The following NUP54 variants were observed in gnomAD, a reference collection of about 807,000 sequenced individuals.
The protein encoded by NUP54 is nucleoporin 54.
A neutral mutation model predicts 66.4 loss-of-function variants in NUP54; 27 were observed. The observed-to-expected ratio is 0.41, with a 90% confidence interval of 0.30 to 0.56. NUP54 has a LOEUF of 0.56. NUP54 is among the 20% of genes least tolerant of loss of function. The pLI, the probability that NUP54 is intolerant of heterozygous loss-of-function variation, is 0.34. For synonymous variants in NUP54, 206 were observed against 210.7 expected (o/e 0.98, Z 0.19); for missense variants, 486 against 596.3 (o/e 0.82, Z 1.93).
intron 9 of NUP54, among the ~76,000 whole-genome samples, chr4:76,119,947 A>G (rs1730155285): frequency 6.6e-6 from 1 of 152,144 alleles, no homozygotes. Flanking sequence ...TAACCATTAA[A>G]TTTTATAATT....
intron 3 of NUP54, among the ~76,000 whole-genome samples, chr4:76,143,552 C>T (rs1409195666): frequency 3.3e-5 from 5 of 151,964 alleles, no homozygotes; most frequent in Non-Finnish European, 5.9e-5. Context: ...TGCAGTGAGC[C>T]GAGGTCGTGC....
At chr4:76,136,094 A>C (rs2109894105) in intron 4 of NUP54, 92 bp downstream of exon 4, 3 of 844,078 alleles carry the variant, frequency 3.6e-6, no homozygotes, top group Non-Finnish European at 5.7e-6. Flanking sequence ...CAAGGAGTAA[A>C]GATCCAAGCA....
At chr4:76,147,159 G>A (rs1417456615) in intron 1 of NUP54, among the ~76,000 whole-genome samples, 1 of 152,140 alleles carries the variant, frequency 6.6e-6, no homozygotes, top group Non-Finnish European at 1.5e-5. Context: ...ATCCCAGGAT[G>A]GGCTTGACTG....
At chr4:76,118,436 AG>A in intron 9 of NUP54, 1 of 419,388 alleles carries the variant, frequency 2.4e-6, no homozygotes, top group South Asian at 2.3e-5. Flanking sequence ...CCCAGGCTGA[AG>A]TGCAGTGGCG....
chr4:76,131,143 G>GT, intron 7 of NUP54, 87 bp downstream of exon 7: 1 of 834,146 alleles, frequency 1.2e-6, no homozygotes, highest in Non-Finnish European at 2.0e-6. Flanking sequence ...TGTCTCATAT[G>GT]TAAGAATTAT....
chr4:76,117,507 T>A (rs921756643), intron 11 of NUP54, among the ~76,000 whole-genome samples, 157 bp downstream of exon 11: 5 of 152,198 alleles, frequency 3.3e-5, no homozygotes, highest in Non-Finnish European at 7.3e-5. Flanking sequence ...CTGTTTTCCA[T>A]AGAGGCTGAA....
At chr4:76,136,945 G>A (rs924187855) in intron 3 of NUP54, among the ~76,000 whole-genome samples, 4 of 152,112 alleles carry the variant, frequency 2.6e-5, no homozygotes, top group Admixed American at 6.5e-5. Flanking sequence ...GGCAGCAATA[G>A]GAAACTAACA....
At chr4:76,118,391 A>T in intron 9 of NUP54, 197 bp from the exon 10 acceptor site, 1 of 551,450 alleles carries the variant, frequency 1.8e-6, no homozygotes, top group Non-Finnish European at 3.2e-6. Context: ...ATATAGACTT[A>T]ATTGTTTTTT....
intron 4 of NUP54, 33 bp from the exon 5 acceptor site, chr4:76,134,395 T>TTA (rs1298822580): frequency 6.5e-7 from 1 of 1,537,656 alleles, no homozygotes; most frequent in South Asian, 1.2e-5. Context: ...ATATAAAAAA[T>TTA]ATGTACAGAT....
rs1403881144 is a variant in NUP54 at position 76,115,322 on chromosome 4, TAAG to T, written c.*41_*43del. The T allele has an allele frequency of 6.6e-7, 1 of 1,510,798 alleles. No homozygotes were observed. Among genetic ancestry groups the T allele is most frequent in the Non-Finnish European group, 8.8e-7 (1 of 1,131,584 alleles). 93.6% of individuals were successfully genotyped at this position (1,510,798 alleles called of 1,614,324 possible). A position where few individuals can be genotyped will look rare whatever the true frequency, so the allele number is the denominator to read the frequency against. ...CATTCTTAAGGAAGGTCTGATGCAG[TAAG>T]AAGATGCATTTCACAAACCTTTACA... On this transcript the variant is annotated 3_prime_UTR_variant, in exon 12 of 12. Transcript: ENST00000264883.
chr4:76,138,095 G>C (rs769378799), intron 3 of NUP54, among the ~76,000 whole-genome samples: 2 of 152,162 alleles, frequency 1.3e-5, no homozygotes, highest in African/African-American at 2.4e-5. Context: ...AGCTTCTACA[G>C]AGCTAGAGAG....
At chr4:76,129,788 T>C (rs1730700624) in intron 8 of NUP54, among the ~76,000 whole-genome samples, 1 of 138,194 alleles carries the variant, frequency 7.2e-6, no homozygotes, top group South Asian at 2.3e-4. Context: ...TGGCGTGAAC[T>C]CAGGAGGTGG....
At chr4:76,137,667 C>T (rs1435120132) in intron 3 of NUP54, among the ~76,000 whole-genome samples, 1 of 145,058 alleles carries the variant, frequency 6.9e-6, no homozygotes, top group African/African-American at 2.8e-5. Context: ...ACCAATTTCT[C>T]TAATGGAAAG....
intron 1 of NUP54, 160 bp downstream of exon 1, chr4:76,148,148 G>A (rs1403668633): frequency 9.4e-6 from 5 of 533,718 alleles, no homozygotes; most frequent in African/African-American, 5.9e-5. Flanking sequence ...CTCGGGTGCC[G>A]CCTCGGCCCA....
At chr4:76,141,101 C>T (rs1340717908) in intron 3 of NUP54, among the ~76,000 whole-genome samples, 2 of 152,104 alleles carry the variant, frequency 1.3e-5, no homozygotes, top group Non-Finnish European at 2.9e-5. Context: ...CAGGTATTGC[C>T]AACTGAGATA....
chr4:76,118,303 G>T, intron 9 of NUP54, 109 bp from the exon 10 acceptor site: 1 of 989,942 alleles, frequency 1.0e-6, no homozygotes, highest in South Asian at 1.4e-5. Context: ...TCAAACAACA[G>T]TAGGGTTCAA....
intron 9 of NUP54, among the ~76,000 whole-genome samples, chr4:76,120,718 C>T (rs1384662128): frequency 2.0e-5 from 3 of 152,152 alleles, no homozygotes; most frequent in African/African-American, 7.2e-5. Context: ...TGAGCCACTG[C>T]GCCCGGCCAG....
chr4:76,146,493 T>TGTTTTCAACTCA (rs1209791745), intron 1 of NUP54, among the ~76,000 whole-genome samples: 4 of 152,258 alleles, frequency 2.6e-5, no homozygotes, highest in African/African-American at 9.6e-5. Flanking sequence ...TTCTTCGAAC[T>TGTTTTCAACTCA]GTTTTCAACT....
At chr4:76,144,657 T>C (rs949606288) in intron 1 of NUP54, among the ~76,000 whole-genome samples, 184 bp from the exon 2 acceptor site, 1 of 152,214 alleles carries the variant, frequency 6.6e-6, no homozygotes, top group Non-Finnish European at 1.5e-5. Context: ...GTCAAAATGT[T>C]ACAAGAAATG....
Sources: gnomAD v4.1 joint callset for allele counts (sites outside exome capture counted in the v4.1 genomes callset) on GRCh38, gnomAD v4.1.1 for gene constraint, MANE v1.5 for transcripts, NCBI Gene and HGNC (gene_info 2026-07-23, HGNC 2026-07-21) for gene names.